The following PSMD1 variants were observed in gnomAD, a reference collection of about 807,000 sequenced individuals.
PSMD1 encodes proteasome 26S subunit, non-ATPase 1, also known as 26S proteasome non-ATPase regulatory subunit 1.
Under a neutral mutation model 119.0 loss-of-function variants are expected in PSMD1, and 18 were observed. That is an observed-to-expected ratio of 0.15 (90% CI 0.10 to 0.22). The LOEUF is 0.22. PSMD1 is among the 10% of genes least tolerant of loss of function. The pLI, the probability that PSMD1 is intolerant of heterozygous loss-of-function variation, is 1.00. For missense variants in PSMD1, 702 were observed against 1,158.5 expected (o/e 0.61, Z 5.72); for synonymous variants, 374 against 396.6 (o/e 0.94, Z 0.68).
Position 231,081,418 on chromosome 2 carries a change from T to C in PSMD1, c.1413+1104T>C, listed in dbSNP as rs143396234. 4.4e-3 allele frequency among the ~76,000 whole-genome samples: 673 copies of C among 152,340 alleles called. 8 individuals are homozygous for C. Among genetic ancestry groups the C allele is most frequent in the African/African-American group, 0.016 (645 of 41,582 alleles). On this transcript the variant is annotated intron_variant, in intron 12 of 24. Coordinates refer to ENST00000308696, the MANE Select transcript of PSMD1 (RefSeq NM_002807.4). ...CTTATATAATTAATAGAAAGGCTGA[T>C]GAACTAGTTCTCACAAAGGTTAAAG... is the stretch of plus-strand genomic sequence containing the variant.
intron 5 of PSMD1, among the ~76,000 whole-genome samples, chr2:231,068,921 A>G (rs1382050257): frequency 6.6e-6 from 1 of 152,248 alleles, no homozygotes; most frequent in Non-Finnish European, 1.5e-5. Context: ...GCTGAGATGT[A>G]CATAAGAATG....
At chr2:231,147,163 G>C (rs1452212333) in intron 18 of PSMD1, among the ~76,000 whole-genome samples, 1 of 152,096 alleles carries the variant, frequency 6.6e-6, no homozygotes, top group Non-Finnish European at 1.5e-5. Flanking sequence ...CCACCTTGTG[G>C]GTGACTCCAT....
chr2:231,080,768 C>T (rs1465406170), intron 12 of PSMD1, among the ~76,000 whole-genome samples: 3 of 152,182 alleles, frequency 2.0e-5, no homozygotes, highest in African/African-American at 7.2e-5. Context: ...TAATTTTACA[C>T]TAACTTCTAT....
At chr2:231,137,091 T>C (rs901647645) in intron 16 of PSMD1, among the ~76,000 whole-genome samples, 1 of 146,052 alleles carries the variant, frequency 6.8e-6, no homozygotes, top group Non-Finnish European at 1.5e-5. Context: ...TATTTATATA[T>C]TATATTTTAT....
intron 4 of PSMD1, among the ~76,000 whole-genome samples, chr2:231,065,354 G>A (rs183773616): frequency 0.022 from 3,313 of 150,848 alleles, 134 homozygotes; most frequent in African/African-American, 0.076. Flanking sequence ...GTGCAGTGGC[G>A]CGATCTCGGC....
At chr2:231,087,634 A>G (rs187457605) in intron 16 of PSMD1, among the ~76,000 whole-genome samples, 1 of 152,284 alleles carries the variant, frequency 6.6e-6, no homozygotes, top group East Asian at 1.9e-4. Context: ...AGTCATGGAG[A>G]TGTCCTTGGC....
intron 23 of PSMD1, among the ~76,000 whole-genome samples, chr2:231,169,709 T>C (rs938660989): frequency 1.3e-5 from 2 of 152,208 alleles, no homozygotes; most frequent in African/African-American, 4.8e-5. Flanking sequence ...TTTCCAGATG[T>C]GCCCTGCCAC....
chr2:231,130,710 C>T (rs1249779954), intron 16 of PSMD1, among the ~76,000 whole-genome samples: 2 of 152,228 alleles, frequency 1.3e-5, no homozygotes, highest in African/African-American at 4.8e-5. Flanking sequence ...AGTCCTCCTG[C>T]CTCGACTTCC....
At chr2:231,091,976 TCTTTTG>T in intron 16 of PSMD1, among the ~76,000 whole-genome samples, 1 of 152,296 alleles carries the variant, frequency 6.6e-6, no homozygotes, top group African/African-American at 2.4e-5. Context: ...CGTGCAAGAA[TCTTTTG>T]ATCTGTACCC....
At chr2:231,060,987 A>G (rs1002417014) in intron 1 of PSMD1, among the ~76,000 whole-genome samples, 2 of 152,240 alleles carry the variant, frequency 1.3e-5, no homozygotes, top group Non-Finnish European at 2.9e-5. Context: ...TGTATTTCTA[A>G]CAGGTTCCCA....
chr2:231,084,331 G>A (rs899483463), intron 14 of PSMD1, among the ~76,000 whole-genome samples: 2 of 151,932 alleles, frequency 1.3e-5, no homozygotes, highest in African/African-American at 4.8e-5. Flanking sequence ...CAGCCTGGGT[G>A]ACAGAGCAAG....
chr2:231,087,030 CACTGT>C, intron 15 of PSMD1, 82 bp from the exon 16 acceptor site: 22 of 1,037,658 alleles, frequency 2.1e-5, no homozygotes, highest in Non-Finnish European at 3.2e-5. Context: ...GGTATACACT[CACTGT>C]TGAATGATGC....
chr2:231,072,169 G>T lies in PSMD1; in HGVS notation c.655-20G>T. The T allele has an allele frequency of 6.4e-7, 1 of 1,564,368 alleles. No homozygotes were observed. On this transcript the variant is annotated intron_variant, in intron 6 of 24. Coordinates refer to ENST00000308696, the MANE Select transcript of PSMD1 (RefSeq NM_002807.4). Reference sequence around the variant, plus strand: ...TGAAGTTTTTAATTATTGAATAATTGTTCTTTATCTCCATTTCAGTGCTTA... The same window carrying T: ...TGAAGTTTTTAATTATTGAATAATTTTTCTTTATCTCCATTTCAGTGCTTA...
At chr2:231,108,851 A>G (rs1236482671) in intron 16 of PSMD1, 1 of 1,614,202 alleles carries the variant, frequency 6.2e-7, no homozygotes, top group Non-Finnish European at 8.5e-7. Flanking sequence ...TCCTGAGGAA[A>G]CATAGCCTAT....
Position 231,093,107 on chromosome 2 carries a change from GA to G in PSMD1, c.1883+5930del, listed in dbSNP as rs746152987. ...TGTCTGCCCAAGTAACAGGGCAAAA[GA>G]AAAGCAGATCTAAGCCAAGCAATTA... On this transcript the variant is annotated intron_variant, in intron 16 of 24. Coordinates refer to ENST00000308696, the MANE Select transcript of PSMD1 (RefSeq NM_002807.4). Among the ~76,000 whole-genome samples the G allele has an allele frequency of 2.5e-4, 38 of 152,264 alleles. 2 individuals carry two copies. Among genetic ancestry groups the G allele is most frequent in the East Asian group, 2.3e-3 (12 of 5,176 alleles).
chr2:231,165,070 AT>A, intron 21 of PSMD1, 129 bp from the exon 22 acceptor site: 2 of 56,000 alleles, frequency 3.6e-5, no homozygotes, highest in African/African-American at 6.0e-5. Context: ...ATATATATAT[AT>A]ATATATATAT....
At chr2:231,149,558 T>C (rs1220990466) in intron 18 of PSMD1, among the ~76,000 whole-genome samples, 1 of 152,224 alleles carries the variant, frequency 6.6e-6, no homozygotes, top group African/African-American at 2.4e-5. Context: ...AATATTACAC[T>C]GTAAATATAG....
chr2:231,076,947 G>T, intron 8 of PSMD1, 87 bp from the exon 9 acceptor site: 3 of 1,250,794 alleles, frequency 2.4e-6, no homozygotes, highest in Non-Finnish European at 3.3e-6. Context: ...AATTTCACTG[G>T]TTTAGGACTG....
intron 19 of PSMD1, among the ~76,000 whole-genome samples, chr2:231,159,361 C>A (rs1359354244): frequency 6.6e-6 from 1 of 152,158 alleles, no homozygotes; most frequent in South Asian, 2.1e-4. Context: ...AATCCATAGT[C>A]TACTTTTAAA....
Sources: gnomAD v4.1 joint callset for allele counts (sites outside exome capture counted in the v4.1 genomes callset) on GRCh38, gnomAD v4.1.1 for gene constraint, MANE v1.5 for transcripts, NCBI Gene and HGNC (gene_info 2026-07-23, HGNC 2026-07-21) for gene names.